Variants in KIF26B observed in about 807,000 individuals in gnomAD.
KIF26B encodes kinesin-like protein KIF26B.
In KIF26B, 63 loss-of-function variants were observed where a neutral mutation model predicts 151.2. The observed-to-expected ratio is 0.42, with a 90% CI of 0.34 to 0.51. The LOEUF (loss-of-function observed/expected upper bound fraction) is 0.51, where lower values mean the gene tolerates loss of function less well. Among genes scored for constraint, KIF26B ranks in the 20% least tolerant of loss-of-function variants. The pLI is 0.07. For missense variants in KIF26B, 2,813 were observed against 2,913.6 expected (o/e 0.97, Z 0.79); for synonymous variants, 1,357 against 1,262.1 (o/e 1.08, Z -1.59).
chr1:245,359,539 T>C (rs1057366422), intron 2 of KIF26B, among the ~76,000 whole-genome samples: 1 of 152,172 alleles, frequency 6.6e-6, no homozygotes, highest in African/African-American at 2.4e-5. Flanking sequence ...TTGGAGTGTT[T>C]CATCTTTTAA....
intron 3 of KIF26B, among the ~76,000 whole-genome samples, chr1:245,384,197 T>A (rs894362292): frequency 1.3e-5 from 2 of 151,644 alleles, no homozygotes; most frequent in African/African-American, 4.9e-5. Context: ...CTCTCCACAG[T>A]CACCAAGTCC....
rs562883184 is a variant in KIF26B, at chr1:245,549,414, T to G, written c.1350+8464T>G. ...TCTTTGTCCAAAAACCACATTTTAG[T>G]TAAGCTCAGCACAATTAGACCATTA... On this transcript the variant is annotated intron_variant, in intron 5 of 14. Coordinates refer to ENST00000407071, the MANE Select transcript of KIF26B (RefSeq NM_018012.4). Among the ~76,000 whole-genome samples the G allele has an allele frequency of 6.9e-3, 1,053 of 152,324 alleles. 10 individuals are homozygous for G. Among genetic ancestry groups the G allele is most frequent in the Non-Finnish European group, 9.8e-3 (668 of 68,036 alleles).
At chr1:245,499,026 C>A (rs1437460091) in intron 4 of KIF26B, among the ~76,000 whole-genome samples, 2 of 152,066 alleles carry the variant, frequency 1.3e-5, no homozygotes, top group African/African-American at 4.8e-5. Flanking sequence ...AACCGGTTGC[C>A]AGACTAGTGT....
chr1:245,620,667 G>T (rs553680822), intron 9 of KIF26B, among the ~76,000 whole-genome samples: 1 of 152,288 alleles, frequency 6.6e-6, no homozygotes, highest in African/African-American at 2.4e-5. Context: ...CTCCCAAAGT[G>T]CTGGGATTAC....
chr1:245,484,790 A>ATTATTATTATTATTC (rs1312293514), intron 4 of KIF26B, among the ~76,000 whole-genome samples: 1 of 144,190 alleles, frequency 6.9e-6, no homozygotes, highest in Admixed American at 6.9e-5. Flanking sequence ...TATTATTATT[A>ATTATTATTATTATTC]TTATTCTTTT....
intron 2 of KIF26B, among the ~76,000 whole-genome samples, chr1:245,240,206 C>T (rs1670189772): frequency 1.3e-5 from 2 of 152,124 alleles, no homozygotes; most frequent in Admixed American, 1.3e-4. Flanking sequence ...CGTGGTCTTT[C>T]TGCATCCCTA....
intron 5 of KIF26B, among the ~76,000 whole-genome samples, chr1:245,555,841 A>T (rs1299109817): frequency 6.6e-6 from 1 of 152,000 alleles, no homozygotes; most frequent in Non-Finnish European, 1.5e-5. Flanking sequence ...TGAAATGAGG[A>T]CTTGGGGGGG....
chr1:245,632,837 G>T (rs1050862780), intron 9 of KIF26B, among the ~76,000 whole-genome samples: 4 of 152,202 alleles, frequency 2.6e-5, no homozygotes, highest in African/African-American at 9.7e-5. Flanking sequence ...GAGCCTGGGA[G>T]ATTGAGGCTG....
chr1:245,337,991 G>A (rs189884597), intron 2 of KIF26B, among the ~76,000 whole-genome samples: 1 of 152,314 alleles, frequency 6.6e-6, no homozygotes, highest in Non-Finnish European at 1.5e-5. Flanking sequence ...CAGCTTGACA[G>A]GAAGAGAGGG....
chr1:245,441,605 G>A (rs955400621), intron 4 of KIF26B, among the ~76,000 whole-genome samples: 4 of 152,066 alleles, frequency 2.6e-5, no homozygotes, highest in African/African-American at 4.8e-5. Flanking sequence ...AACGAGCAAC[G>A]CAGACCCCGG....
At chr1:245,304,657 C>G (rs1205238379) in intron 2 of KIF26B, among the ~76,000 whole-genome samples, 1 of 149,564 alleles carries the variant, frequency 6.7e-6, no homozygotes, top group Non-Finnish European at 1.5e-5. Flanking sequence ...ATCCATCTGC[C>G]TGTCTGCCTG....
At chr1:245,294,814 C>T (rs1671311310) in intron 2 of KIF26B, among the ~76,000 whole-genome samples, 1 of 152,110 alleles carries the variant, frequency 6.6e-6, no homozygotes. Flanking sequence ...AGGCACCCAC[C>T]AACAGACCTG....
intron 3 of KIF26B, among the ~76,000 whole-genome samples, chr1:245,393,570 G>C (rs1386775281): frequency 6.6e-6 from 1 of 152,200 alleles, no homozygotes; most frequent in East Asian, 1.9e-4. Context: ...ATAACTCAAG[G>C]AGGAGCATGG....
At position 245,156,410 on chromosome 1, in the gene KIF26B, C is replaced by T. The variant is rs1197656686; in HGVS notation, c.192C>T (p.Gly64=). ...CTGAGGGCGCGGGCTCAGCGCTCGG[C>T]TCCTCGGGGACCCCGTCTCCCGGCT... ...PTPEGAGSAL[G]SSGTPSPGSG... is the part of the protein sequence containing the mutation. Residue 64 remains glycine (G), a synonymous_variant, in exon 2 of 15, where the codon GGC becomes GGT. Transcript: ENST00000407071. The T allele has an allele frequency of 2.6e-6, 4 of 1,534,544 alleles. No homozygotes were observed. The highest frequency in any genetic ancestry group is 1.4e-5 in the African/African-American group (1 of 71,318).
At chr1:245,340,368 T>C (rs1672312122) in intron 2 of KIF26B, among the ~76,000 whole-genome samples, 1 of 152,022 alleles carries the variant, frequency 6.6e-6, no homozygotes, top group Non-Finnish European at 1.5e-5. Flanking sequence ...AAAAAAACTC[T>C]GTACGTGTTA....
At chr1:245,662,264 C>T (rs1184018194) in intron 10 of KIF26B, among the ~76,000 whole-genome samples, 1 of 150,108 alleles carries the variant, frequency 6.7e-6, no homozygotes, top group Non-Finnish European at 1.5e-5. Flanking sequence ...CACACACACC[C>T]AATATATATA....
Position 245,686,008 on chromosome 1 carries a change from C to G in KIF26B, c.3025C>G (p.Pro1009Ala). 6.3e-7 allele frequency: 1 copy of G among 1,590,628 alleles called. No individual in the cohort carries two copies. The highest frequency in any genetic ancestry group is 8.5e-7 in the Non-Finnish European group (1 of 1,169,590). The change falls in exon 12 of 15, where the codon CCC becomes GCC. Residue 1009 changes from proline to alanine, a missense_variant. By Grantham distance (27) the Pro-to-Ala change is conservative. Around this residue, in one of 3 missense-constraint regions of KIF26B, gnomAD observed 2,060 missense variants for 2,088.6 expected, o/e 0.99. Coordinates refer to ENST00000407071, the MANE Select transcript of KIF26B (RefSeq NM_018012.4). This position sits in a 1 kb window ranked among gnomAD's most constrained non-coding sequence, Gnocchi z 5.6. Reference protein sequence around the residue: ...SKMQRSHSPVPAAAPAHSPSP... With the variant: ...SKMQRSHSPVAAAAPAHSPSP... ...GATGCAGAGGAGTCACTCACCTGTG[C>G]CCGCCGCGGCACCCGCCCACAGCCC...
intron 14 of KIF26B, among the ~76,000 whole-genome samples, chr1:245,700,691 G>A (rs930175143): frequency 4.6e-5 from 7 of 152,190 alleles, no homozygotes; most frequent in Non-Finnish European, 8.8e-5. Flanking sequence ...CTTGCATGAT[G>A]CACTGAGGAG....
intron 3 of KIF26B, among the ~76,000 whole-genome samples, chr1:245,405,946 A>C (rs1674126504): frequency 6.6e-6 from 1 of 152,216 alleles, no homozygotes; most frequent in Admixed American, 6.5e-5. Flanking sequence ...TTCACCAATG[A>C]CAGTTTGGGA....
Sources: allele counts gnomAD v4.1 joint callset (sites outside exome capture counted in the v4.1 genomes callset), GRCh38; gene constraint gnomAD v4.1.1; regional missense constraint gnomAD v4.1.1; non-coding constraint Gnocchi (gnomAD v3.1); transcripts MANE v1.5; gene names NCBI Gene and HGNC (gene_info 2026-07-23, HGNC 2026-07-21).